The following STYX variants were observed in gnomAD, a reference collection of about 807,000 sequenced individuals.
STYX encodes serine/threonine/tyrosine-interacting protein.
A neutral mutation model predicts 42.7 loss-of-function variants in STYX; 20 were observed. The ratio of observed to expected loss-of-function variants is 0.47; its 90% CI spans 0.33 to 0.68. The LOEUF (loss-of-function observed/expected upper bound fraction) is 0.68, where lower values mean the gene tolerates loss of function less well. Among genes scored for constraint, STYX ranks in the 30% least tolerant of loss-of-function variants. The probability of loss-of-function intolerance (pLI) is 0.02; values close to 1 mark genes in which losing one functional copy is unlikely to be tolerated. For synonymous variants in STYX, 78 were observed against 81.9 expected (o/e 0.95, Z 0.26); for missense variants, 226 against 268.5 (o/e 0.84, Z 1.11).
rs930612257 is a variant in STYX, at chr14:52,774,824, A to G, written c.*3718A>G. On this transcript the variant is annotated 3_prime_UTR_variant, in exon 11 of 11. Transcript: ENST00000354586. ...GTGTCTGTATACCTTTGTATACACA[A>G]TTGCTTAAGTTACTCTGCTTTTAAC... is the stretch of plus-strand genomic sequence containing the variant. The G allele has an allele frequency of 6.6e-6, 1 of 152,198 alleles. No individual in the cohort carries two copies. The highest frequency in any genetic ancestry group is 2.4e-5 in the African/African-American group (1 of 41,456). 9.4% of individuals were successfully genotyped at this position (152,198 alleles called of 1,614,324 possible). A position where few individuals can be genotyped will look rare whatever the true frequency, so the allele number is the denominator to read the frequency against.
At chr14:52,760,096 C>T (rs1294840461) in intron 9 of STYX, among the ~76,000 whole-genome samples, 1 of 152,054 alleles carries the variant, frequency 6.6e-6, no homozygotes, top group East Asian at 1.9e-4. Context: ...GTCCCAGCTA[C>T]TCAGGAGGCT....
At chr14:52,757,666 C>T (rs1229464141) in intron 6 of STYX, 77 bp from the exon 7 acceptor site, 2 of 1,338,750 alleles carry the variant, frequency 1.5e-6, no homozygotes, top group East Asian at 4.6e-5. Context: ...TAAGGAGTTA[C>T]TTTACTGTGG....
intron 4 of STYX, among the ~76,000 whole-genome samples, chr14:52,751,012 A>C (rs185790514): frequency 9.2e-5 from 14 of 152,274 alleles, no homozygotes; most frequent in Non-Finnish European, 1.8e-4. Context: ...AAAAATAAAA[A>C]AGAATTTAAA....
chr14:52,770,796 T>C (rs1882481606), intron 10 of STYX, among the ~76,000 whole-genome samples: 1 of 152,108 alleles, frequency 6.6e-6, no homozygotes, highest in South Asian at 2.1e-4. Flanking sequence ...AATTATTTAT[T>C]TTATATGCAA....
chr14:52,730,225 G>A lies in STYX; in HGVS notation c.-250G>A, dbSNP rs903760599. The stretch of plus-strand genomic sequence containing the variant: ...CGGCCTGAGGGGTACGGAGACTCTG[G>A]GGGAGGGAGACGGCAGCGGCATGGC... On this transcript the variant is annotated 5_prime_UTR_variant, in exon 1 of 11. Transcript: ENST00000354586. The A allele has an allele frequency of 7.1e-6, 4 of 567,252 alleles. No homozygotes were observed. Among genetic ancestry groups the A allele is most frequent in the Non-Finnish European group, 1.3e-5 (4 of 317,398 alleles). 35.1% of individuals were successfully genotyped at this position (567,252 alleles called of 1,614,324 possible).
intron 9 of STYX, among the ~76,000 whole-genome samples, chr14:52,762,622 G>A (rs1442293714): frequency 1.3e-5 from 2 of 150,992 alleles, no homozygotes; most frequent in African/African-American, 2.4e-5. Context: ...TACTATCTCT[G>A]TCACAGTGTT....
At chr14:52,730,638 C>T (rs1038283453) in intron 1 of STYX, 107 bp downstream of exon 1, 13 of 1,283,228 alleles carry the variant, frequency 1.0e-5, no homozygotes, top group Admixed American at 2.1e-5. Flanking sequence ...GGGCGCCCTG[C>T]CTCCTAAGGG....
Position 52,763,996 on chromosome 14 carries a change from TTTG to T in STYX, c.504+4255_504+4257del, listed in dbSNP as rs999421676. 6.6e-5 allele frequency among the ~76,000 whole-genome samples: 10 copies of T among 152,234 alleles called. No homozygotes were observed. In the South Asian group the frequency reaches 1.0e-3, roughly 16 times the overall value. On this transcript the variant is annotated intron_variant, in intron 9 of 10. Coordinates refer to ENST00000354586, the MANE Select transcript of STYX (RefSeq NM_145251.4). Reference sequence around the variant, plus strand: ...GTACCCTGTTTAAATTTCAGGGTTTTTTGTTGTTGTTGTTGAGACAGAGTCTTG... The same window carrying T: ...GTACCCTGTTTAAATTTCAGGGTTTTTTGTTGTTGTTGAGACAGAGTCTTG...
intron 9 of STYX, among the ~76,000 whole-genome samples, chr14:52,761,571 T>TG (rs1184066279): frequency 6.9e-6 from 1 of 144,678 alleles, no homozygotes; most frequent in African/African-American, 2.5e-5. Context: ...CAAAAGTTTT[T>TG]TTTTTTTTTT....
chr14:52,750,853 C>A, intron 4 of STYX, 73 bp downstream of exon 4: 2 of 979,580 alleles, frequency 2.0e-6, no homozygotes, highest in Admixed American at 2.5e-5. Context: ...TCAGTTGTTT[C>A]TGTACATATC....
chr14:52,736,097 C>T (rs1232157159), intron 1 of STYX, among the ~76,000 whole-genome samples: 1 of 152,166 alleles, frequency 6.6e-6, no homozygotes, highest in Non-Finnish European at 1.5e-5. Context: ...TCCTGGAATG[C>T]TTTAATTTCC....
At chr14:52,752,160 A>C (rs1459657520) in intron 4 of STYX, among the ~76,000 whole-genome samples, 1 of 119,966 alleles carries the variant, frequency 8.3e-6, no homozygotes, top group Admixed American at 8.3e-5. Flanking sequence ...ACACCGTCTC[A>C]AAAACAAAAC....
In STYX at chr14:52,757,889, T is replaced by C. The variant is rs1315570883; in HGVS notation, c.396T>C (p.Ile132=). 1.9e-6 allele frequency: 3 copies of C among 1,612,466 alleles called. No homozygotes were observed. The African/African-American group carries it at 4.0e-5, about 22-fold the overall frequency. Residue 132 remains isoleucine, a synonymous_variant, in exon 8 of 11, where the codon ATT becomes ATC. Transcript: ENST00000354586. ...CCCTCTTCAGTGCAGCCTTTGTTAT[T>C]GCATACATTATGGAAACATTTGGAA... The part of the protein sequence containing the change: ...AGISRSAAFV[I]AYIMETFGMK...
intron 3 of STYX, among the ~76,000 whole-genome samples, chr14:52,750,100 A>G (rs1881551181): frequency 6.6e-6 from 1 of 152,212 alleles, no homozygotes; most frequent in Admixed American, 6.5e-5. Context: ...CTCAACCTGT[A>G]TTGAATATAA....
At chr14:52,752,705 T>C (rs984205714) in intron 4 of STYX, among the ~76,000 whole-genome samples, 1 of 152,030 alleles carries the variant, frequency 6.6e-6, no homozygotes, top group Non-Finnish European at 1.5e-5. Flanking sequence ...ATGTGTTGAG[T>C]AAATATATAT....
chr14:52,758,776 A>G (rs749180521), intron 8 of STYX, among the ~76,000 whole-genome samples: 2 of 152,032 alleles, frequency 1.3e-5, no homozygotes, highest in Admixed American at 6.6e-5. Context: ...GGGTTTCACC[A>G]TGTTGGCCAG....
chr14:52,771,064 T>G lies in STYX; in HGVS notation c.630T>G (p.Asp210Glu), dbSNP rs1403458803. The change falls in exon 11 of 11, where the codon GAT becomes GAG. Residue 210 changes from aspartate (D) to glutamate (E), a missense_variant. Physicochemically the swap from Asp to Glu is conservative, Grantham distance 45 (BLOSUM62 2). Coordinates refer to ENST00000354586, the MANE Select transcript of STYX (RefSeq NM_145251.4). ...GSLKRTHEEE[D>E]DFGTMQVATA... is the part of the protein sequence containing the mutation. Reference sequence around the variant, plus strand: ...TGAAGAGAACACATGAAGAAGAGGATGATTTTGGAACCATGCAAGTGGCGA... The same window carrying G: ...TGAAGAGAACACATGAAGAAGAGGAGGATTTTGGAACCATGCAAGTGGCGA... The G allele has an allele frequency of 6.2e-7, 1 of 1,613,084 alleles. No individual in the cohort carries two copies. The highest frequency in any genetic ancestry group is 8.5e-7 in the Non-Finnish European group (1 of 1,179,264).
intron 4 of STYX, 81 bp from the exon 5 acceptor site, chr14:52,756,470 C>G (rs1300288913): frequency 1.2e-6 from 1 of 813,710 alleles, no homozygotes; most frequent in African/African-American, 1.8e-5. Context: ...CCATGGTTAA[C>G]AAGAAATAAT....
At chr14:52,745,841 T>G (rs1470584242) in intron 2 of STYX, among the ~76,000 whole-genome samples, 1 of 152,134 alleles carries the variant, frequency 6.6e-6, no homozygotes, top group African/African-American at 2.4e-5. Context: ...GCATTTTACT[T>G]GGTGTTAGGA....
Sources: gnomAD v4.1 joint callset for allele counts (sites outside exome capture counted in the v4.1 genomes callset) on GRCh38, gnomAD v4.1.1 for gene constraint, MANE v1.5 for transcripts, NCBI Gene and HGNC (gene_info 2026-07-23, HGNC 2026-07-21) for gene names.